LDLRAD4: variants seen among roughly 807,000 people sequenced by gnomAD.
LDLRAD4 encodes the protein low-density lipoprotein receptor class A domain-containing protein 4.
Under a neutral mutation model 17.0 loss-of-function variants are expected in LDLRAD4, and 5 were observed. That is an observed-to-expected ratio of 0.29 (90% CI 0.15 to 0.62). LDLRAD4 has a LOEUF of 0.62. Ranked by LOEUF, LDLRAD4 falls within the 20% of genes least tolerant of loss-of-function variation. The probability of loss-of-function intolerance (pLI) is 0.84; values close to 1 mark genes in which losing one functional copy is unlikely to be tolerated. For missense variants in LDLRAD4, 340 were observed against 424.7 expected, an observed-to-expected ratio of 0.80 and a Z score of 1.75; for synonymous variants, 168 against 171.8, an observed-to-expected ratio of 0.98 and a Z score of 0.17.
chr18:13,642,538 A>G (rs990286038), intron 4 of LDLRAD4: 4 of 1,227,822 alleles, frequency 3.3e-6, no homozygotes, highest in African/African-American at 1.6e-5. Context: ...TGCCCTGTGA[A>G]TAGGTGGACT....
intron 3 of LDLRAD4, among the ~76,000 whole-genome samples, chr18:13,479,313 A>G (rs2567166): frequency 0.68 from 104,039 of 152,174 alleles, 35,979 homozygotes; most frequent in African/African-American, 0.78. Context: ...GCCCTGTGAA[A>G]GACACTTTTA....
At chr18:13,375,706 A>G (rs1170739915) in intron 1 of LDLRAD4, among the ~76,000 whole-genome samples, 1 of 152,160 alleles carries the variant, frequency 6.6e-6, no homozygotes, top group African/African-American at 2.4e-5. Flanking sequence ...TTACTGGGGC[A>G]ATCATGGTGC....
chr18:13,229,053 T>C (rs1286526499), intron 1 of LDLRAD4, among the ~76,000 whole-genome samples: 1 of 152,232 alleles, frequency 6.6e-6, no homozygotes, highest in African/African-American at 2.4e-5. Context: ...TTTATGTGTC[T>C]GAGGGAATGG....
chr18:13,598,917 C>G (rs1316895213), intron 3 of LDLRAD4, among the ~76,000 whole-genome samples: 5 of 152,178 alleles, frequency 3.3e-5, no homozygotes, highest in African/African-American at 1.2e-4. Flanking sequence ...TTTAGCTTGC[C>G]TCTCCTTACA....
At chr18:13,275,597 A>G (rs1405104781), upstream of LDLRAD4, among the ~76,000 whole-genome samples, 1 of 152,256 alleles carries the variant, frequency 6.6e-6, no homozygotes, top group Non-Finnish European at 1.5e-5. Context: ...ACTTAATTAT[A>G]TATTTTAAAA....
intron 3 of LDLRAD4, among the ~76,000 whole-genome samples, chr18:13,494,423 T>C (rs2093418323): frequency 6.6e-6 from 1 of 151,860 alleles, no homozygotes; most frequent in Non-Finnish European, 1.5e-5. Context: ...ACCGAAACTC[T>C]AAAGCCCTTG....
chr18:13,614,398 G>C (rs1250108104), intron 3 of LDLRAD4: 1 of 152,222 alleles, frequency 6.6e-6, no homozygotes, highest in Non-Finnish European at 1.5e-5. Context: ...AAGCCAGCAG[G>C]TGACGCCAAA....
chr18:13,339,989 T>A (rs1361099866), intron 1 of LDLRAD4, among the ~76,000 whole-genome samples: 5 of 152,182 alleles, frequency 3.3e-5, no homozygotes, highest in Non-Finnish European at 7.4e-5. Context: ...CTACTTTCTC[T>A]ATGAATTTGA....
chr18:13,223,238 T>C (rs888044384), intron 1 of LDLRAD4, among the ~76,000 whole-genome samples: 11 of 152,140 alleles, frequency 7.2e-5, no homozygotes, highest in African/African-American at 2.2e-4. Context: ...GTGTGAGTGA[T>C]GTGTGTTTGC....
intron 3 of LDLRAD4, chr18:13,526,215 C>T (rs890356036): frequency 1.3e-5 from 2 of 152,162 alleles, no homozygotes; most frequent in Non-Finnish European, 2.9e-5. Context: ...TCAGGATTTC[C>T]GCAGGAGCCT....
chr18:13,408,373 C>CA (rs1409612495), intron 2 of LDLRAD4, among the ~76,000 whole-genome samples: 1,786 of 51,762 alleles, frequency 0.035, 44 homozygotes, highest in African/African-American at 0.08. Context: ...GACCCTGTCT[C>CA]AAAAAAAAAA....
chr18:13,557,209 G>T (rs2094492799), intron 3 of LDLRAD4, among the ~76,000 whole-genome samples: 1 of 152,150 alleles, frequency 6.6e-6, no homozygotes. Flanking sequence ...GAGCCAGGAG[G>T]ATCACTTGAG....
At chr18:13,314,275 T>C (rs1046727398) in intron 1 of LDLRAD4, among the ~76,000 whole-genome samples, 2 of 152,230 alleles carry the variant, frequency 1.3e-5, no homozygotes, top group Non-Finnish European at 2.9e-5. Flanking sequence ...AATTTTGTTC[T>C]GATTTAGTGG....
At chr18:13,581,813 C>T (rs978701261) in intron 3 of LDLRAD4, among the ~76,000 whole-genome samples, 1 of 151,894 alleles carries the variant, frequency 6.6e-6, no homozygotes, top group Non-Finnish European at 1.5e-5. Flanking sequence ...GCACCTTGTG[C>T]GTATGGATGC....
intron 1 of LDLRAD4, among the ~76,000 whole-genome samples, chr18:13,305,483 A>G (rs1425266206): frequency 1.3e-5 from 2 of 152,238 alleles, no homozygotes; most frequent in Admixed American, 6.5e-5. Context: ...TTCATGTCAC[A>G]GTGAAAAGGA....
intron 1 of LDLRAD4, among the ~76,000 whole-genome samples, chr18:13,373,110 C>T (rs1008416545): frequency 6.6e-6 from 1 of 152,080 alleles, no homozygotes; most frequent in African/African-American, 2.4e-5. Flanking sequence ...TAATGGAACT[C>T]TTAACAGCTC....
At chr18:13,505,594 C>T (rs890715028) in intron 3 of LDLRAD4, among the ~76,000 whole-genome samples, 2 of 152,038 alleles carry the variant, frequency 1.3e-5, no homozygotes, top group African/African-American at 2.4e-5. Flanking sequence ...CCGAGGCGGG[C>T]GGATCACAAG....
chr18:13,412,600 G>C (rs2088481226), intron 2 of LDLRAD4, among the ~76,000 whole-genome samples: 1 of 152,116 alleles, frequency 6.6e-6, no homozygotes, highest in African/African-American at 2.4e-5. Context: ...GTTCAGACAG[G>C]GTCCCCGACT....
Position 13,437,528 on chromosome 18 carries a change from A to G in LDLRAD4, c.41-716A>G, listed in dbSNP as rs2090744995. On this transcript the variant is annotated intron_variant, in intron 2 of 5. Coordinates refer to ENST00000359446, the Ensembl canonical transcript of LDLRAD4. ...ATTCCATTTTCAAATATTGATTCGT[A>G]CAGACTTTAGGGAGCCTGTGTTCAG... Among the ~76,000 whole-genome samples the G allele has an allele frequency of 2.6e-5, 4 of 152,248 alleles. No homozygotes were observed. In the South Asian group the frequency reaches 8.3e-4, roughly 31 times the overall value.
Sources: allele counts gnomAD v4.1 joint callset (sites outside exome capture counted in the v4.1 genomes callset), GRCh38; gene constraint gnomAD v4.1.1; transcripts MANE v1.5; gene names NCBI Gene and HGNC (gene_info 2026-07-23, HGNC 2026-07-21).